Variants in LDB2 observed in about 807,000 individuals in gnomAD.
The protein encoded by LDB2 is LIM domain-binding protein 2.
Under a neutral mutation model 44.3 loss-of-function variants are expected in LDB2, and 12 were observed. The observed-to-expected ratio is 0.27, with a 90% CI of 0.17 to 0.44. The LOEUF (loss-of-function observed/expected upper bound fraction) is 0.44, where lower values mean the gene tolerates loss of function less well. LDB2 is among the 20% of genes least tolerant of loss of function. The probability of loss-of-function intolerance (pLI) is 1.00; values close to 1 mark genes in which losing one functional copy is unlikely to be tolerated. For missense variants in LDB2, 344 were observed against 473.5 expected (o/e 0.73, Z 2.54); for synonymous variants, 164 against 174.8 (o/e 0.94, Z 0.49).
At chr4:16,702,954 A>G (rs157626) in intron 2 of LDB2, among the ~76,000 whole-genome samples, 76,909 of 151,674 alleles carry the variant, frequency 0.51, 19,731 homozygotes, top group East Asian at 0.78. Context: ...TACGCTGAAT[A>G]TCTAAGTTTA....
intron 5 of LDB2, among the ~76,000 whole-genome samples, chr4:16,577,012 G>T (rs1454585017): frequency 1.3e-5 from 2 of 152,078 alleles, no homozygotes; most frequent in Non-Finnish European, 2.9e-5. Flanking sequence ...TGCTGAAAAA[G>T]CATTTGATAA....
intron 3 of LDB2, among the ~76,000 whole-genome samples, chr4:16,592,505 TACACAC>T (rs58460959): frequency 9.3e-6 from 1 of 108,058 alleles, no homozygotes; most frequent in South Asian, 3.4e-4. Flanking sequence ...TATATATATA[TACACAC>T]ACACACACAC....
chr4:16,783,483 C>T (rs1448167507), intron 1 of LDB2, among the ~76,000 whole-genome samples: 3 of 152,366 alleles, frequency 2.0e-5, no homozygotes, highest in East Asian at 1.9e-4. Flanking sequence ...TCACTTGGTG[C>T]CATTCATGCC....
chr4:16,725,104 C>T (rs536843681), intron 2 of LDB2, among the ~76,000 whole-genome samples: 1 of 152,104 alleles, frequency 6.6e-6, no homozygotes, highest in Non-Finnish European at 1.5e-5. Flanking sequence ...ATAGAAGCAG[C>T]AGAACAGTTC....
intron 2 of LDB2, among the ~76,000 whole-genome samples, chr4:16,629,018 T>A (rs539610042): frequency 3.9e-5 from 6 of 152,290 alleles, no homozygotes; most frequent in Non-Finnish European, 7.4e-5. Context: ...CAGCAGTCCG[T>A]GATGGACCTG....
intron 4 of LDB2, among the ~76,000 whole-genome samples, chr4:16,586,820 CTTAA>C (rs368185692): frequency 1.3e-3 from 201 of 152,222 alleles, no homozygotes; most frequent in African/African-American, 4.5e-3. Context: ...TTCCTTCTTC[CTTAA>C]TTGATATAAG....
chr4:16,595,973 A>G, intron 2 of LDB2, 98 bp from the exon 3 acceptor site: 1 of 1,239,012 alleles, frequency 8.1e-7, no homozygotes, highest in Non-Finnish European at 1.1e-6. Context: ...CCGGATACTG[A>G]TCATCTCAAG....
chr4:16,616,421 G>T (rs901677696), intron 2 of LDB2, among the ~76,000 whole-genome samples: 2 of 152,054 alleles, frequency 1.3e-5, no homozygotes, highest in South Asian at 4.2e-4. Flanking sequence ...GATGGAGGAT[G>T]AATGGAAAGA....
intron 2 of LDB2, among the ~76,000 whole-genome samples, chr4:16,751,999 G>A (rs751468552): frequency 9.9e-5 from 15 of 152,024 alleles, no homozygotes; most frequent in African/African-American, 2.7e-4. Context: ...TCACAACATC[G>A]GGTGCTAGAG....
intron 5 of LDB2, among the ~76,000 whole-genome samples, chr4:16,562,967 C>G (rs535956319): frequency 2.7e-5 from 4 of 148,914 alleles, no homozygotes; most frequent in African/African-American, 9.9e-5. Context: ...ATCGCAAGGA[C>G]AAAAAACCAA....
At chr4:16,644,402 G>A (rs12642363) in intron 2 of LDB2, among the ~76,000 whole-genome samples, 13,225 of 151,340 alleles carry the variant, frequency 0.087, 775 homozygotes, top group East Asian at 0.28. Context: ...TAATCATTAG[G>A]TATTTCACAT....
At chr4:16,681,862 T>C (rs922023954) in intron 2 of LDB2, among the ~76,000 whole-genome samples, 15 of 152,188 alleles carry the variant, frequency 9.9e-5, no homozygotes, top group South Asian at 4.2e-4. Context: ...TGAGCGACTG[T>C]GCCCGGCCTC....
At chr4:16,619,548 A>C (rs935653188) in intron 2 of LDB2, among the ~76,000 whole-genome samples, 2 of 152,220 alleles carry the variant, frequency 1.3e-5, no homozygotes, top group Non-Finnish European at 2.9e-5. Context: ...CCCAAGGTTC[A>C]TTATAGTGGA....
chr4:16,728,337 T>A (rs1382224346), intron 2 of LDB2, among the ~76,000 whole-genome samples: 2 of 151,852 alleles, frequency 1.3e-5, no homozygotes, highest in East Asian at 3.9e-4. Flanking sequence ...GCCCAGAAAC[T>A]GTGCATTTTA....
intron 2 of LDB2, among the ~76,000 whole-genome samples, chr4:16,669,335 G>A (rs746086593): frequency 2.0e-4 from 30 of 152,018 alleles, no homozygotes; most frequent in Non-Finnish European, 2.8e-4. Flanking sequence ...CATTGGTTTG[G>A]GCTATGAGCT....
intron 5 of LDB2, among the ~76,000 whole-genome samples, chr4:16,563,701 G>T (rs1389308506): frequency 2.0e-5 from 3 of 149,458 alleles, no homozygotes; most frequent in African/African-American, 7.4e-5. Context: ...CTCGTGATCT[G>T]CCCGCCTCGG....
intron 1 of LDB2, among the ~76,000 whole-genome samples, chr4:16,820,450 A>T (rs1336479938): frequency 2.0e-5 from 3 of 152,182 alleles, no homozygotes; most frequent in Admixed American, 1.3e-4. Flanking sequence ...GCAGATTGTG[A>T]TAAGTGTTAT....
intron 5 of LDB2, among the ~76,000 whole-genome samples, chr4:16,560,255 T>TA (rs1230121764): frequency 1.3e-5 from 2 of 151,914 alleles, no homozygotes; most frequent in Non-Finnish European, 2.9e-5. Flanking sequence ...CAAAAACCCT[T>TA]AAAAAATTAA....
At chr4:16,531,900 A>G (rs1730270880) in intron 5 of LDB2, among the ~76,000 whole-genome samples, 1 of 152,172 alleles carries the variant, frequency 6.6e-6, no homozygotes, top group African/African-American at 2.4e-5. Flanking sequence ...TAGTTTTTCC[A>G]TGGATGCTTT....
Sources: allele counts gnomAD v4.1 joint callset (sites outside exome capture counted in the v4.1 genomes callset), GRCh38; gene constraint gnomAD v4.1.1; transcripts MANE v1.5; gene names NCBI Gene and HGNC (gene_info 2026-07-23, HGNC 2026-07-21).